The following UNC13D variants were observed in gnomAD, a reference collection of about 807,000 sequenced individuals.
The protein encoded by UNC13D is protein unc-13 homolog D.
In UNC13D, 115 loss-of-function variants were observed where a neutral mutation model predicts 151.7. The ratio of observed to expected loss-of-function variants is 0.76; its 90% CI spans 0.65 to 0.88. The LOEUF (loss-of-function observed/expected upper bound fraction) is 0.88, where lower values mean the gene tolerates loss of function less well. UNC13D is among the 40% of genes least tolerant of loss of function. The pLI, the probability that UNC13D is intolerant of heterozygous loss-of-function variation, is 0.00. For synonymous variants in UNC13D, 588 were observed against 612.2 expected (o/e 0.96, Z 0.58); for missense variants, 1,369 against 1,438.7 (o/e 0.95, Z 0.78).
chr17:75,827,350 G>A lies in UNC13D; in HGVS notation c.*615C>T, dbSNP rs1031116929. ...CAGCCAAACTGTCCTTTCTGCTTCCGTCTGTCTGTGCCAGCCCTGCCGCCT... is the reference window on the plus strand; with the variant it reads ...CAGCCAAACTGTCCTTTCTGCTTCCATCTGTCTGTGCCAGCCCTGCCGCCT... On this transcript the variant is annotated 3_prime_UTR_variant, in exon 32 of 32. Coordinates refer to ENST00000207549, the MANE Select transcript of UNC13D (RefSeq NM_199242.3). 9.3e-5 allele frequency: 106 copies of A among 1,143,444 alleles called. No homozygotes were observed. The African/African-American group carries it at 1.3e-3, about 14-fold the overall frequency. The allele number at this position is 1,143,444 out of a possible 1,614,324, so 70.8% of individuals were successfully genotyped here. A position where few individuals can be genotyped will look rare whatever the true frequency, so the allele number is the denominator to read the frequency against.
At position 75,830,442 on chromosome 17, in the gene UNC13D, T is replaced by G. The variant is rs764412966; in HGVS notation, c.2750A>C (p.Lys917Thr). Residue 917 changes from lysine to threonine, a missense_variant, in exon 29 of 32, where the codon AAG (lysine) becomes ACG (threonine). Transcript: ENST00000207549. ...CTGCTCAGAGGCGCGGTAGGAGGCC[T>G]TGACTGTCACAGCCCCCAGCTCCTC... ...TSEELGAVTV[K>T]ASYRASEQKL... 6.9e-6 allele frequency: 11 copies of G among 1,586,620 alleles called. No individual in the cohort carries two copies. Among genetic ancestry groups the G allele is most frequent in the Non-Finnish European group, 9.4e-6 (11 of 1,167,392 alleles).
At position 75,829,944 on chromosome 17, in the gene UNC13D, GC is replaced by G; in HGVS notation, c.2954+83del. On this transcript the variant is annotated intron_variant, in intron 30 of 31. Transcript: ENST00000207549. ...GTGGCCATCTCAGGGGAGCCCCTTGGCCCCAGCCAGGAGGAGCAGGCCTGAG... is the reference window on the plus strand; with the variant it reads ...GTGGCCATCTCAGGGGAGCCCCTTGGCCCAGCCAGGAGGAGCAGGCCTGAG... 7.1e-6 allele frequency: 11 copies of G among 1,548,368 alleles called. No individual in the cohort carries two copies. In the South Asian group the frequency reaches 1.3e-4, roughly 18 times the overall value.
Position 75,844,387 on chromosome 17 carries a change from G to A in UNC13D, c.-50C>T, listed in dbSNP as rs372829323. 42 of 1,554,242 alleles carry A rather than the reference G, an allele frequency of 2.7e-5. No individual in the cohort carries two copies. The African/African-American group carries it at 4.2e-4, about 16-fold the overall frequency. On this transcript the variant is annotated 5_prime_UTR_variant, in exon 1 of 32. Coordinates refer to ENST00000207549, the MANE Select transcript of UNC13D (RefSeq NM_199242.3). The stretch of plus-strand genomic sequence containing the variant: ...TCCGCTGGTGCTGGGTGAAGACAGC[G>A]AAGCCACAGGATTATGCAAAGAGCC...
Position 75,832,812 on chromosome 17 carries a change from AAG to A in UNC13D, c.2447+152_2447+153del, listed in dbSNP as rs759767192. Reference sequence around the variant, plus strand: ...TCAGAACGGATGCTGAGGCCCAGGAAAGAGGGGCCGTGGGAGGAGAGGGGGAG... The same window carrying A: ...TCAGAACGGATGCTGAGGCCCAGGAAAGGGGCCGTGGGAGGAGAGGGGGAG... On this transcript the variant is annotated intron_variant, in intron 25 of 31. Coordinates refer to ENST00000207549, the MANE Select transcript of UNC13D (RefSeq NM_199242.3). The surrounding 1 kb of genome is among the most constrained non-coding windows in gnomAD (Gnocchi z 4.3). 2 of 691,934 alleles carry A rather than the reference AAG, an allele frequency of 2.9e-6. No homozygotes were observed. Among genetic ancestry groups the A allele is most frequent in the South Asian group, 3.4e-5 (2 of 59,110 alleles). 42.9% of individuals were successfully genotyped at this position (691,934 alleles called of 1,614,324 possible).
Position 75,834,433 on chromosome 17 carries a change from G to A in UNC13D, c.2190C>T (p.Ala730=), listed in dbSNP as rs756842152. Residue 730 remains alanine, a synonymous_variant, in exon 23 of 32, where the codon GCC becomes GCT. Transcript: ENST00000207549. The part of the protein sequence containing the change: ...AWEALEQRVG[A]VLEQGQLQNT... ...TCTGCAGCTGCCCCTGCTCCAGCAC[G>A]GCCCCTACCCGCTGCTCCAGGGCCT... 16 of 1,569,342 alleles carry A rather than the reference G, an allele frequency of 1.0e-5. No homozygotes were observed. Among genetic ancestry groups the A allele is most frequent in the South Asian group, 3.4e-5 (3 of 87,196 alleles).
intron 25 of UNC13D, 93 bp from the exon 26 acceptor site, chr17:75,831,441 G>T: frequency 8.4e-7 from 1 of 1,190,174 alleles, no homozygotes; most frequent in Non-Finnish European, 1.2e-6. Context: ...CGGCCTCAGT[G>T]ACCCAGCCCC....
chr17:75,833,022 GA>G lies in UNC13D; in HGVS notation c.2390del (p.Phe797SerfsTer9). On this transcript the variant is annotated frameshift_variant, in exon 25 of 32. Coordinates refer to ENST00000207549, the MANE Select transcript of UNC13D (RefSeq NM_199242.3). LOFTEE classifies it high-confidence loss of function. The surrounding 1 kb of genome is among the most constrained non-coding windows in gnomAD (Gnocchi z 4.0). ...PEDAILPLMK[F>X]LEVELCYMNT... ...TCATGTAGCAAAGCTCCACCTCCAG[GA>G]ACTTCATCAGGGGCAGAATGGCCTG... is the stretch of plus-strand genomic sequence containing the variant. 1 of 1,605,584 alleles carries G rather than the reference GA, an allele frequency of 6.2e-7. No homozygotes were observed. The highest frequency in any genetic ancestry group is 8.5e-7 in the Non-Finnish European group (1 of 1,176,834).
At chr17:75,842,383 C>A (rs1336420212) in intron 6 of UNC13D, 50 bp downstream of exon 6, 1 of 1,581,748 alleles carries the variant, frequency 6.3e-7, no homozygotes, top group East Asian at 2.3e-5. Context: ...GCAGACCCTG[C>A]TACCCAGGAA....
chr17:75,829,499 T>G (rs2143862553), intron 30 of UNC13D, among the ~76,000 whole-genome samples: 1 of 152,186 alleles, frequency 6.6e-6, no homozygotes, highest in Admixed American at 6.5e-5. Context: ...TTCACCATGT[T>G]AGCCAGGATG....
rs2064860618 is a variant in UNC13D, at chr17:75,830,151, C to A, written c.2831G>T (p.Gly944Val). Residue 944 changes from glycine to valine, a missense_variant and splice_region_variant, in exon 30 of 32, where the codon GGC (glycine) becomes GTC (valine). Coordinates refer to ENST00000207549, the MANE Select transcript of UNC13D (RefSeq NM_199242.3). ...CAGCTGGACAAAGGGGTCGCTGGAG[C>A]CTGGTAAGTGGCCGGGGAGTGTGCG... Reference protein sequence around the residue: ...ASSLLPLDSNGSSDPFVQLTL... With the variant: ...ASSLLPLDSNVSSDPFVQLTL... 3 of 1,589,592 alleles carry A rather than the reference C, an allele frequency of 1.9e-6. No individual in the cohort carries two copies. Among genetic ancestry groups the A allele is most frequent in the African/African-American group, 1.3e-5 (1 of 74,378 alleles).
At chr17:75,843,388 C>A in intron 2 of UNC13D, 96 bp downstream of exon 2, 1 of 1,567,000 alleles carries the variant, frequency 6.4e-7, no homozygotes, top group Non-Finnish European at 8.6e-7. Flanking sequence ...GAGTCCCCTC[C>A]CCACCGCAAG....
chr17:75,836,569 G>C lies in UNC13D; in HGVS notation c.1298+3C>G. ...ACCGAGGAAGAGGAAGGCAGCCACT[G>C]ACCTGAGAAGAGACTGCAGCCGGGC... On this transcript the variant is annotated splice_donor_region_variant and intron_variant, in intron 14 of 31. Transcript: ENST00000207549. The C allele has an allele frequency of 1.9e-6, 3 of 1,613,640 alleles. No individual in the cohort carries two copies. Among genetic ancestry groups the C allele is most frequent in the Non-Finnish European group, 2.5e-6 (3 of 1,180,032 alleles).
At position 75,831,418 on chromosome 17, in the gene UNC13D, C is replaced by T. The variant is rs973614586; in HGVS notation, c.2448-70G>A. The T allele has an allele frequency of 4.9e-6, 7 of 1,440,752 alleles. No homozygotes were observed. The African/African-American group carries it at 7.0e-5, about 14-fold the overall frequency. The allele number at this position is 1,440,752 out of a possible 1,614,324, so 89.2% of individuals were successfully genotyped here. On this transcript the variant is annotated intron_variant, in intron 25 of 31. Coordinates refer to ENST00000207549, the MANE Select transcript of UNC13D (RefSeq NM_199242.3). ...TGGCGGAGGAGGAAGCAAAGACGCT[C>T]TTGAGAAAGGGGCGGCCTCAGTGAC...
In UNC13D at chr17:75,843,249, C is replaced by T. The variant is rs759522083; in HGVS notation, c.171G>A (p.Glu57=). The part of the protein sequence containing the change: ...FSPEQRALLY[E]DALYTVLHRL... ...GGTGCAAGACAGTGTAGAGTGCGTCCTCGTAGAGCAGGGCCCGCTAAGACA... is the reference window on the plus strand; with the variant it reads ...GGTGCAAGACAGTGTAGAGTGCGTCTTCGTAGAGCAGGGCCCGCTAAGACA... The change falls in exon 3 of 32, where the codon GAG becomes GAA. Residue 57 remains glutamate, a synonymous_variant. Transcript: ENST00000207549. 1 of 1,608,754 alleles carries T rather than the reference C, an allele frequency of 6.2e-7. No individual in the cohort carries two copies. The highest frequency in any genetic ancestry group is 2.2e-5 in the East Asian group (1 of 44,852).
chr17:75,837,609 C>A (rs558148213), intron 12 of UNC13D, among the ~76,000 whole-genome samples: 9 of 151,386 alleles, frequency 5.9e-5, no homozygotes, highest in Non-Finnish European at 1.0e-4. Context: ...CAAAATTTAG[C>A]CAGGTGTGAT....
chr17:75,844,119 C>T (rs2143904183), intron 1 of UNC13D, 102 bp downstream of exon 1: 4 of 1,530,784 alleles, frequency 2.6e-6, no homozygotes, highest in East Asian at 2.3e-5. Context: ...CGCTGGTCCC[C>T]AGTCCCAGCC....
At position 75,827,902 on chromosome 17, in the gene UNC13D, A is replaced by C; in HGVS notation, c.*63T>G. ...CCGCGATGTGGCGGGGAAGCCCCAG[A>C]CCCTACAGGAAAGCCCTTGCAAGTC... On this transcript the variant is annotated 3_prime_UTR_variant, in exon 32 of 32. Coordinates refer to ENST00000207549, the MANE Select transcript of UNC13D (RefSeq NM_199242.3). 1 of 1,572,082 alleles carries C rather than the reference A, an allele frequency of 6.4e-7. No homozygotes were observed. Among genetic ancestry groups the C allele is most frequent in the Non-Finnish European group, 8.6e-7 (1 of 1,163,400 alleles).
intron 1 of UNC13D, 58 bp from the exon 2 acceptor site, chr17:75,843,577 C>G: frequency 1.3e-6 from 2 of 1,595,238 alleles, no homozygotes; most frequent in Non-Finnish European, 1.7e-6. Flanking sequence ...CTCAGATGGA[C>G]AGGAATGGCT....
chr17:75,843,195 C>T lies in UNC13D; in HGVS notation c.225G>A (p.Val75=). Residue 75 remains valine, a synonymous_variant, in exon 3 of 32, where the codon GTG becomes GTA. Transcript: ENST00000207549. The part of the protein sequence containing the change: ...HRLGHPEPNH[V]TEASELLRYL... ...ATCGCAGCAGCTCAGAGGCCTCCGT[C>T]ACATGGTTGGGCTCAGGATGACCCA... The T allele has an allele frequency of 1.9e-6, 3 of 1,612,286 alleles. No individual in the cohort carries two copies. The South Asian group carries it at 3.3e-5, about 18-fold the overall frequency.
Sources: allele counts gnomAD v4.1 joint callset (sites outside exome capture counted in the v4.1 genomes callset), GRCh38; gene constraint gnomAD v4.1.1; non-coding constraint Gnocchi (gnomAD v3.1); transcripts MANE v1.5; gene names NCBI Gene and HGNC (gene_info 2026-07-23, HGNC 2026-07-21).